The following WDR31 variants were observed in gnomAD, a reference collection of about 807,000 sequenced individuals.
WDR31 encodes the protein WD repeat-containing protein 31.
WDR31 carries 30 observed loss-of-function variants against 47.3 expected under a neutral mutation model. That is an observed-to-expected ratio of 0.63 (90% CI 0.47 to 0.86). The LOEUF is 0.86. Ranked by LOEUF, WDR31 falls within the 40% of genes least tolerant of loss-of-function variation. The pLI is 0.00. For missense variants in WDR31, 406 were observed against 442.9 expected (o/e 0.92, Z 0.75); for synonymous variants, 137 against 159.4 (o/e 0.86, Z 1.06).
At chr9:113,334,327 C>T (rs1833671044) in intron 2 of WDR31, among the ~76,000 whole-genome samples, 2 of 152,122 alleles carry the variant, frequency 1.3e-5, no homozygotes, top group South Asian at 4.1e-4. Context: ...ATATCAGAGT[C>T]CAATTGTCTC....
intron 5 of WDR31, among the ~76,000 whole-genome samples, chr9:113,328,224 G>A (rs1833519910): frequency 6.6e-6 from 1 of 152,168 alleles, no homozygotes. Flanking sequence ...AATATCTGGG[G>A]ATAAGTGCAT....
chr9:113,325,101 A>G (rs1345080470), intron 5 of WDR31, among the ~76,000 whole-genome samples: 4 of 149,166 alleles, frequency 2.7e-5, no homozygotes, highest in African/African-American at 9.9e-5. Flanking sequence ...GTGTGCCACC[A>G]TGCCTGGCTA....
intron 9 of WDR31, among the ~76,000 whole-genome samples, chr9:113,320,131 G>A (rs2118779882): frequency 6.6e-6 from 1 of 152,262 alleles, no homozygotes; most frequent in Admixed American, 6.5e-5. Context: ...TGTTGCCCAA[G>A]CTAGTCTCAA....
intron 2 of WDR31, among the ~76,000 whole-genome samples, chr9:113,333,874 C>G (rs1401840281): frequency 6.6e-6 from 1 of 152,106 alleles, no homozygotes; most frequent in Non-Finnish European, 1.5e-5. Context: ...TTTGGGAGGA[C>G]TTCTGTTTTC....
chr9:113,318,337 A>G (rs1833252483), intron 10 of WDR31, 138 bp downstream of exon 10: 1 of 946,078 alleles, frequency 1.1e-6, no homozygotes. Flanking sequence ...GCATCTTGAC[A>G]TCACCTCTTA....
In WDR31 at chr9:113,330,975, AAACCCC is replaced by A; in HGVS notation, c.249+3_249+8del. 6.3e-7 allele frequency: 1 copy of A among 1,595,596 alleles called. No homozygotes were observed. The highest frequency in any genetic ancestry group is 8.6e-7 in the Non-Finnish European group (1 of 1,168,798). ...AAGTTCATTTCCCGGGAAACACTGC[AAACCCC>A]ACCTTATCTTTCCCTCCAGAGACAC... On this transcript the variant is annotated splice_donor_5th_base_variant and intron_variant, in intron 4 of 10. Transcript: ENST00000374193.
chr9:113,319,255 T>A (rs1436658169), intron 9 of WDR31, among the ~76,000 whole-genome samples: 1 of 152,120 alleles, frequency 6.6e-6, no homozygotes, highest in Non-Finnish European at 1.5e-5. Flanking sequence ...GGAGAGCAAA[T>A]TGAATTATGT....
At chr9:113,319,941 GTTTCT>G (rs951787109) in intron 9 of WDR31, among the ~76,000 whole-genome samples, 1 of 152,076 alleles carries the variant, frequency 6.6e-6, no homozygotes. Context: ...GTTGATGAAT[GTTTCT>G]TTTATTTTCT....
At chr9:113,335,133 C>T (rs1833689280) in intron 2 of WDR31, among the ~76,000 whole-genome samples, 1 of 152,018 alleles carries the variant, frequency 6.6e-6, no homozygotes, top group Admixed American at 6.6e-5. Flanking sequence ...TGTATCATCC[C>T]CCTCAACTAA....
intron 7 of WDR31, among the ~76,000 whole-genome samples, chr9:113,322,364 T>C (rs1188059082): frequency 6.6e-6 from 1 of 152,124 alleles, no homozygotes; most frequent in African/African-American, 2.4e-5. Context: ...AGTCTGCTAC[T>C]AGAAAACAAC....
At chr9:113,323,867 C>A (rs1319732153) in intron 5 of WDR31, among the ~76,000 whole-genome samples, 1 of 152,132 alleles carries the variant, frequency 6.6e-6, no homozygotes, top group Admixed American at 6.6e-5. Context: ...GTTATACTTA[C>A]GAAGAATTTG....
chr9:113,319,358 C>T (rs1175953027), intron 9 of WDR31, among the ~76,000 whole-genome samples: 1 of 152,186 alleles, frequency 6.6e-6, no homozygotes, highest in African/African-American at 2.4e-5. Context: ...ATGCTACATT[C>T]AAAGGCTGCA....
chr9:113,319,354 C>T (rs556545035), intron 9 of WDR31, among the ~76,000 whole-genome samples: 83 of 152,322 alleles, frequency 5.4e-4, no homozygotes, highest in Non-Finnish European at 1.0e-3. Context: ...AGAGATGCTA[C>T]ATTCAAAGGC....
chr9:113,319,959 C>A (rs1345340417), intron 9 of WDR31, among the ~76,000 whole-genome samples: 2 of 152,074 alleles, frequency 1.3e-5, no homozygotes, highest in Non-Finnish European at 2.9e-5. Flanking sequence ...TATTTTCTTT[C>A]TTTATTTTTT....
chr9:113,337,846 G>A (rs1362012639), intron 1 of WDR31, among the ~76,000 whole-genome samples: 1 of 152,176 alleles, frequency 6.6e-6, no homozygotes, highest in African/African-American at 2.4e-5. Flanking sequence ...TCTAAAATCT[G>A]AAATTTGAAA....
intron 5 of WDR31, among the ~76,000 whole-genome samples, chr9:113,324,450 C>T (rs570820615): frequency 5.9e-4 from 88 of 149,006 alleles, no homozygotes; most frequent in Non-Finnish European, 9.6e-4. Context: ...AGTGCAGGGA[C>T]CTGGTCTCGG....
Position 113,318,562 on chromosome 9 carries a change from AG to A in WDR31, c.855del (p.Leu287TyrfsTer7). ...KGHFQTVASCVFLPRALALMP... is the reference protein window; with the variant it reads ...KGHFQTVASCXFLPRALALMP... ...ATCAAGGCCAATGCTCTTGGTAGAA[AG>A]ACGCAGGATGCGACAGTCTGGAAAT... On this transcript the variant is annotated frameshift_variant, in exon 10 of 11. Transcript: ENST00000374193. LOFTEE classifies it high-confidence loss of function. The A allele has an allele frequency of 6.2e-7, 1 of 1,614,262 alleles. No individual in the cohort carries two copies. The highest frequency in any genetic ancestry group is 8.5e-7 in the Non-Finnish European group (1 of 1,180,046).
chr9:113,320,675 G>A (rs1213093233), intron 8 of WDR31, among the ~76,000 whole-genome samples, 177 bp from the exon 9 acceptor site: 2 of 152,156 alleles, frequency 1.3e-5, no homozygotes, highest in Non-Finnish European at 2.9e-5. Flanking sequence ...CTCTAAAGTT[G>A]GCAGGAAGTA....
At chr9:113,337,520 C>T (rs958488571) in intron 1 of WDR31, among the ~76,000 whole-genome samples, 3 of 143,876 alleles carry the variant, frequency 2.1e-5, no homozygotes, top group African/African-American at 7.9e-5. Flanking sequence ...GACTGGAGTG[C>T]AGTGGTGCAA....
Sources: allele counts gnomAD v4.1 joint callset (sites outside exome capture counted in the v4.1 genomes callset), GRCh38; gene constraint gnomAD v4.1.1; transcripts MANE v1.5; gene names NCBI Gene and HGNC (gene_info 2026-07-23, HGNC 2026-07-21).